Variants in ADARB2 observed in about 807,000 individuals in gnomAD.
ADARB2 encodes inactive double-stranded RNA-specific editase B2.
Under a neutral mutation model 62.2 loss-of-function variants are expected in ADARB2, and 25 were observed. That is an observed-to-expected ratio of 0.40 (90% CI 0.29 to 0.56). The LOEUF is 0.56. Among genes scored for constraint, ADARB2 ranks in the 20% least tolerant of loss-of-function variants. The probability of loss-of-function intolerance (pLI) is 0.43; values close to 1 mark genes in which losing one functional copy is unlikely to be tolerated. For missense variants in ADARB2, 1,071 were observed against 1,077.4 expected, an observed-to-expected ratio of 0.99 and a Z score of 0.08; for synonymous variants, 572 against 500.8, an observed-to-expected ratio of 1.14 and a Z score of -1.90.
intron 3 of ADARB2, among the ~76,000 whole-genome samples, chr10:1,360,252 C>G (rs1004076435): frequency 4.6e-5 from 7 of 152,256 alleles, no homozygotes; most frequent in Non-Finnish European, 1.0e-4. Context: ...CCTTTCCCCC[C>G]AGCCCCAGAG....
chr10:1,362,995 G>T, intron 3 of ADARB2, 33 bp downstream of exon 3: 2 of 1,293,668 alleles, frequency 1.5e-6, no homozygotes, highest in East Asian at 3.1e-5. Context: ...CCCCAGCGCC[G>T]CCCGTTCCCC....
At chr10:1,633,609 T>TATCTATCTATCTATCCATCC (rs1469419262) in intron 1 of ADARB2, among the ~76,000 whole-genome samples, 1 of 147,848 alleles carries the variant, frequency 6.8e-6, no homozygotes, top group African/African-American at 2.5e-5. Context: ...TCTATCTATC[T>TATCTATCTATCTATCCATCC]ATCCCTCTAT....
chr10:1,544,022 A>AC (rs1462495170), intron 1 of ADARB2, among the ~76,000 whole-genome samples: 14 of 143,302 alleles, frequency 9.8e-5, no homozygotes, highest in African/African-American at 2.8e-4. Flanking sequence ...AACAAACAAA[A>AC]AAAAAAACAC....
chr10:1,291,848 G>C (rs562919804), intron 3 of ADARB2: 1 of 152,588 alleles, frequency 6.6e-6, no homozygotes, highest in East Asian at 1.9e-4. Context: ...CAGGAGAGGA[G>C]AAGGAGCCTG....
intron 1 of ADARB2, among the ~76,000 whole-genome samples, chr10:1,682,566 A>G (rs1834551846): frequency 6.6e-6 from 1 of 152,162 alleles, no homozygotes; most frequent in South Asian, 2.1e-4. Flanking sequence ...GCAACCTGGG[A>G]TTAAGCCGGG....
intron 6 of ADARB2, among the ~76,000 whole-genome samples, chr10:1,220,164 AATGATGGTGGTG>A (rs143164165): frequency 0.33 from 36,291 of 108,582 alleles, 4,883 homozygotes; most frequent in African/African-American, 0.41. Flanking sequence ...TGGTGATGGT[AATGATGGTGGTG>A]ATGATGGTGG....
intron 1 of ADARB2, among the ~76,000 whole-genome samples, chr10:1,523,354 T>C (rs2131953032): frequency 6.6e-6 from 1 of 152,304 alleles, no homozygotes; most frequent in Middle Eastern, 3.4e-3. Flanking sequence ...CCCCACTGTG[T>C]TACAGATCAG....
Position 1,199,911 on chromosome 10 carries a change from T to C in ADARB2, c.1864+55A>G. On this transcript the variant is annotated intron_variant, in intron 8 of 9. Coordinates refer to ENST00000381312, the MANE Select transcript of ADARB2 (RefSeq NM_018702.4). Reference sequence around the variant, plus strand: ...GGGATGGCACCGCCGGGCACACCTGTGTCTGGCCTGGTGGTGGGAAGGAGG... The same window carrying C: ...GGGATGGCACCGCCGGGCACACCTGCGTCTGGCCTGGTGGTGGGAAGGAGG... 3 of 1,451,896 alleles carry C rather than the reference T, an allele frequency of 2.1e-6. No homozygotes were observed. The South Asian group carries it at 4.3e-5, about 21-fold the overall frequency. 89.9% of individuals were successfully genotyped at this position (1,451,896 alleles called of 1,614,324 possible).
At chr10:1,299,232 C>T (rs957093776) in intron 3 of ADARB2, among the ~76,000 whole-genome samples, 1 of 151,924 alleles carries the variant, frequency 6.6e-6, no homozygotes, top group East Asian at 2.0e-4. Context: ...GGGAAACCCA[C>T]AAGCAGAGCC....
chr10:1,442,081 A>G (rs1830912586), intron 1 of ADARB2, among the ~76,000 whole-genome samples: 1 of 152,240 alleles, frequency 6.6e-6, no homozygotes, highest in Non-Finnish European at 1.5e-5. Flanking sequence ...CTATAAAGTT[A>G]AATACCCCAT....
intron 3 of ADARB2, among the ~76,000 whole-genome samples, chr10:1,272,032 C>T (rs1831267930): frequency 6.6e-6 from 1 of 152,234 alleles, no homozygotes. Flanking sequence ...CTTAAGTGCT[C>T]AGCACAGTGC....
intron 1 of ADARB2, among the ~76,000 whole-genome samples, chr10:1,651,726 G>C (rs1588339059): frequency 6.6e-6 from 1 of 152,150 alleles, no homozygotes; most frequent in Non-Finnish European, 1.5e-5. Context: ...CTTACTGCCT[G>C]AGCGTGGTGG....
Position 1,433,417 on chromosome 10 carries a change from T to C in ADARB2, c.101-54257A>G, listed in dbSNP as rs1384591800. 7.9e-5 allele frequency among the ~76,000 whole-genome samples: 12 copies of C among 152,248 alleles called. No individual in the cohort carries two copies. The East Asian group carries it at 1.2e-3, about 15-fold the overall frequency. On this transcript the variant is annotated intron_variant, in intron 1 of 9. Transcript: ENST00000381312. ...GAAGAATAGGAAAAGGCAGAGAGTA[T>C]TGTCACCAGGGAAGTGGATTAAAAC...
intron 3 of ADARB2, among the ~76,000 whole-genome samples, chr10:1,357,029 C>A (rs944356307): frequency 2.0e-5 from 3 of 152,218 alleles, no homozygotes; most frequent in Non-Finnish European, 2.9e-5. Flanking sequence ...CCACTCACAG[C>A]AAGCCCTTTG....
chr10:1,620,974 C>T (rs1326145113), intron 1 of ADARB2, among the ~76,000 whole-genome samples: 4 of 152,164 alleles, frequency 2.6e-5, no homozygotes, highest in Admixed American at 2.0e-4. Context: ...TATAAAAGGG[C>T]ATATATGAAT....
At chr10:1,506,452 A>G (rs1244310180) in intron 1 of ADARB2, among the ~76,000 whole-genome samples, 2 of 152,200 alleles carry the variant, frequency 1.3e-5, no homozygotes, top group East Asian at 1.9e-4. Flanking sequence ...TCATGTTCCC[A>G]AGCACCAGAC....
At chr10:1,306,781 A>G (rs1402100480) in intron 3 of ADARB2, among the ~76,000 whole-genome samples, 1 of 150,406 alleles carries the variant, frequency 6.6e-6, no homozygotes, top group African/African-American at 2.4e-5. Context: ...AACGCCGCAT[A>G]TCTACAACTA....
chr10:1,561,026 C>T lies in ADARB2; in HGVS notation c.100+176025G>A, dbSNP rs543804087. ...CACTCACCGTCCAACAGAAACGTAA[C>T]GTGAGCCACAGGGGTACCACTAAAT... On this transcript the variant is annotated intron_variant, in intron 1 of 9. Transcript: ENST00000381312. Among the ~76,000 whole-genome samples the T allele has an allele frequency of 3.2e-4, 48 of 152,280 alleles. 1 individual carries two copies. In the Middle Eastern group the frequency reaches 0.014, roughly 43 times the overall value.
intron 3 of ADARB2, among the ~76,000 whole-genome samples, chr10:1,323,362 T>C (rs1589191953): frequency 6.6e-6 from 1 of 152,052 alleles, no homozygotes; most frequent in East Asian, 1.9e-4. Context: ...TATTCACAGA[T>C]TGGAAGACTG....
Sources: allele counts gnomAD v4.1 joint callset (sites outside exome capture counted in the v4.1 genomes callset), GRCh38; gene constraint gnomAD v4.1.1; transcripts MANE v1.5; gene names NCBI Gene and HGNC (gene_info 2026-07-23, HGNC 2026-07-21).